The following NEB variants were observed in gnomAD, a reference collection of about 807,000 sequenced individuals.
The protein encoded by NEB is nebulin.
A neutral mutation model predicts 952.2 loss-of-function variants in NEB; 512 were observed. That is an observed-to-expected ratio of 0.54 (90% CI 0.50 to 0.58). The LOEUF is 0.58. NEB is among the 20% of genes least tolerant of loss of function. NEB has a pLI of 0.00. For synonymous variants in NEB, 2,900 were observed against 3,149.8 expected (o/e 0.92, Z 2.66); for missense variants, 8,428 against 9,231.1 (o/e 0.91, Z 3.56).
rs2096590138 is a variant in NEB, at chr2:151,570,620, A to G, written c.17014-19T>C. ...AAAGTTTCTGAAAAGGAGAAAAATA[A>G]GGTATCATCCTAGATTCAAATTTGC... is the stretch of plus-strand genomic sequence containing the variant. On this transcript the variant is annotated intron_variant, in intron 107 of 181. Coordinates refer to ENST00000397345, the MANE Select transcript of NEB (RefSeq NM_001164508.2). The G allele has an allele frequency of 6.4e-7, 1 of 1,563,602 alleles. No homozygotes were observed. The highest frequency in any genetic ancestry group is 1.2e-5 in the South Asian group (1 of 84,802).
At chr2:151,621,781 A>G (rs2098421520) in intron 71 of NEB, among the ~76,000 whole-genome samples, 1 of 152,210 alleles carries the variant, frequency 6.6e-6, no homozygotes, top group South Asian at 2.1e-4. Flanking sequence ...AAAAATTTTG[A>G]CTGATTCTGT....
chr2:151,643,434 C>T, intron 57 of NEB, 81 bp from the exon 58 acceptor site: 2 of 1,251,668 alleles, frequency 1.6e-6, no homozygotes, highest in African/African-American at 1.5e-5. Flanking sequence ...AAATCATTTG[C>T]CCCTAAATAA....
chr2:151,513,537 C>A (rs117694074), intron 160 of NEB, 43 bp downstream of exon 160: 1 of 1,419,062 alleles, frequency 7.0e-7, no homozygotes, highest in Non-Finnish European at 9.8e-7. Context: ...CTTAAAGTTA[C>A]AACTACTTTC....
Position 151,636,341 on chromosome 2 carries a change from T to C in NEB, c.8995-7A>G, listed in dbSNP as rs752852239. 6.3e-7 allele frequency: 1 copy of C among 1,595,776 alleles called. No individual in the cohort carries two copies. The highest frequency in any genetic ancestry group is 1.1e-5 in the South Asian group (1 of 89,986). On this transcript the variant is annotated splice_polypyrimidine_tract_variant and splice_region_variant and intron_variant, in intron 63 of 181. Transcript: ENST00000397345. ...TAGCAAGTTTGTACAGACTCTAAAT[T>C]TGGGGGAAAAAAAATCAGATGCTGA...
At chr2:151,562,889 C>T in intron 119 of NEB, 81 bp from the exon 120 acceptor site, 1 of 903,506 alleles carries the variant, frequency 1.1e-6, no homozygotes, top group East Asian at 2.7e-5. Flanking sequence ...TCCTTATTTC[C>T]CATATAGATC....
Position 151,519,711 on chromosome 2 carries a change from T to C in NEB, c.22537A>G (p.Lys7513Glu), listed in dbSNP as rs570049431. The C allele has an allele frequency of 2.5e-6, 4 of 1,613,504 alleles. No individual in the cohort carries two copies. Among genetic ancestry groups the C allele is most frequent in the Admixed American group, 3.3e-5 (2 of 60,018 alleles). The part of the protein sequence containing the change: ...EKGKTPKYNP[K>E]DSQLYKVMKD... Reference sequence around the variant, plus strand: ...ATGACTTTGTAGAGCTGGCTGTCTTTTGGATTGTATTTTGGTGTCTTGCCC... The same window carrying C: ...ATGACTTTGTAGAGCTGGCTGTCTTCTGGATTGTATTTTGGTGTCTTGCCC... The change falls in exon 154 of 182, where the codon AAA becomes GAA. Residue 7513 changes from lysine to glutamate, a missense_variant. Coordinates refer to ENST00000397345, the MANE Select transcript of NEB (RefSeq NM_001164508.2).
chr2:151,493,258 GTGTT>G (rs1167463363), intron 176 of NEB, 91 bp downstream of exon 176: 14 of 939,366 alleles, frequency 1.5e-5, no homozygotes, highest in Non-Finnish European at 2.3e-5. Flanking sequence ...AAATTTTAGT[GTGTT>G]TTTCAGTTGA....
intron 4 of NEB, among the ~76,000 whole-genome samples, chr2:151,729,247 C>T (rs1001048303): frequency 2.6e-5 from 4 of 152,166 alleles, no homozygotes; most frequent in Non-Finnish European, 5.9e-5. Context: ...AACTGCTTGT[C>T]CCTATGCCAA....
At position 151,494,741 on chromosome 2, in the gene NEB, C is replaced by T. The variant is rs557219422; in HGVS notation, c.24487-488G>A. Among the ~76,000 whole-genome samples, 21 of 152,276 alleles carry T rather than the reference C, an allele frequency of 1.4e-4. No homozygotes were observed. The South Asian group carries it at 2.3e-3, about 17-fold the overall frequency. ...CCTGCTCACTGCAACCTCCGCCTCC[C>T]GGGTTCAAGTGATTCTTCTGCCTCA... On this transcript the variant is annotated intron_variant, in intron 173 of 181. Transcript: ENST00000397345.
chr2:151,497,079 T>A, intron 171 of NEB, 46 bp from the exon 172 acceptor site: 1 of 1,539,618 alleles, frequency 6.5e-7, no homozygotes, highest in Non-Finnish European at 8.8e-7. Flanking sequence ...GAGTAACATT[T>A]CATTTGTTGA....
intron 8 of NEB, among the ~76,000 whole-genome samples, chr2:151,723,750 G>GT (rs11308757): frequency 0.055 from 2,827 of 51,306 alleles, 30 homozygotes; most frequent in Non-Finnish European, 0.066. Context: ...TGCCTTCTTT[G>GT]TTTTTTTTTT....
intron 52 of NEB, among the ~76,000 whole-genome samples, chr2:151,653,320 T>A (rs1430876348): frequency 6.6e-6 from 1 of 152,166 alleles, no homozygotes; most frequent in Non-Finnish European, 1.5e-5. Flanking sequence ...TTGTAAAAAA[T>A]TAACCAATAG....
chr2:151,534,361 C>T, intron 142 of NEB: 1 of 1,536,642 alleles, frequency 6.5e-7, no homozygotes, highest in Middle Eastern at 1.7e-4. Context: ...AGTACAACTT[C>T]AAGGCTACAC....
chr2:151,676,160 G>C (rs2099357665), intron 34 of NEB, among the ~76,000 whole-genome samples: 1 of 152,128 alleles, frequency 6.6e-6, no homozygotes, highest in Admixed American at 6.6e-5. Context: ...ATGTACCCAA[G>C]ATAAAATCTG....
chr2:151,692,074 T>C lies in NEB; in HGVS notation c.2091A>G (p.Ala697=). 1 of 1,613,996 alleles carries C rather than the reference T, an allele frequency of 6.2e-7. No homozygotes were observed. ...TCAAACTTACATCACTGTTTTGAGC[T>C]GCAACTTTCATGCAGTGTGTGTGAT... ...DPYHTHCMKV[A]AQNSDKSYKA... The change falls in exon 22 of 182, where the codon GCA becomes GCG. Residue 697 remains alanine, a synonymous_variant. Coordinates refer to ENST00000397345, the MANE Select transcript of NEB (RefSeq NM_001164508.2).
intron 80 of NEB, 151 bp downstream of exon 80, chr2:151,610,365 C>A (rs2153973752): frequency 5.7e-6 from 4 of 704,548 alleles, no homozygotes; most frequent in Middle Eastern, 7.9e-4. Flanking sequence ...TATTTTTATT[C>A]TCTGTAACAA....
Position 151,493,362 on chromosome 2 carries a change from G to T in NEB, c.24756C>A (p.Asn8252Lys). The T allele has an allele frequency of 6.2e-7, 1 of 1,609,958 alleles. No homozygotes were observed. Among genetic ancestry groups the T allele is most frequent in the Non-Finnish European group, 8.5e-7 (1 of 1,176,744 alleles). ...TAGTCCTAGAAAATACCGAGCTAAT[G>T]TTTTCTTGGTTGCGCTTAGCTCTCT... ...EMERAKRNQE[N>K]ISSVLYSDSF... The change falls in exon 176 of 182, where the codon AAC becomes AAA. Residue 8252 changes from asparagine (N) to lysine (K), a missense_variant. Transcript: ENST00000397345.
chr2:151,623,530 G>A (rs2098457794), intron 71 of NEB, among the ~76,000 whole-genome samples: 1 of 152,074 alleles, frequency 6.6e-6, no homozygotes, highest in Admixed American at 6.6e-5. Context: ...TTTTAAATAT[G>A]CTACAGATGC....
chr2:151,507,996 A>G lies in NEB; in HGVS notation c.23451+9T>C. On this transcript the variant is annotated intron_variant, in intron 162 of 181. Transcript: ENST00000397345. ...TGTGGGCTGTGCCTTACATTTAATAAAAACTTACAAGGCTGAAGTTCTTTT... is the reference window on the plus strand; with the variant it reads ...TGTGGGCTGTGCCTTACATTTAATAGAAACTTACAAGGCTGAAGTTCTTTT... 1 of 1,592,484 alleles carries G rather than the reference A, an allele frequency of 6.3e-7. No homozygotes were observed. Among genetic ancestry groups the G allele is most frequent in the Non-Finnish European group, 8.6e-7 (1 of 1,166,228 alleles).
Sources: gnomAD v4.1 joint callset for allele counts (sites outside exome capture counted in the v4.1 genomes callset) on GRCh38, gnomAD v4.1.1 for gene constraint, MANE v1.5 for transcripts, NCBI Gene and HGNC (gene_info 2026-07-23, HGNC 2026-07-21) for gene names.